Variants in COPB2 observed in about 807,000 individuals in gnomAD.
COPB2 encodes the protein coatomer subunit beta'.
Under a neutral mutation model 120.8 loss-of-function variants are expected in COPB2, and 16 were observed. That is an observed-to-expected ratio of 0.13 (90% CI 0.09 to 0.20). The LOEUF is 0.20. Among genes scored for constraint, COPB2 ranks in the 10% least tolerant of loss-of-function variants. The probability of loss-of-function intolerance (pLI) is 1.00; values close to 1 mark genes in which losing one functional copy is unlikely to be tolerated. For missense variants in COPB2, 794 were observed against 1,076.5 expected, an observed-to-expected ratio of 0.74 and a Z score of 3.67; for synonymous variants, 332 against 366.3, an observed-to-expected ratio of 0.91 and a Z score of 1.07.
At chr3:139,362,163 T>C (rs1240153862) in intron 16 of COPB2, among the ~76,000 whole-genome samples, 2 of 152,106 alleles carry the variant, frequency 1.3e-5, no homozygotes, top group African/African-American at 4.8e-5. Flanking sequence ...TCACATAAGA[T>C]ATGAAAACAA....
rs1375914907 is a variant in COPB2, at chr3:139,361,314, C to T, written c.1996-19G>A. 1.9e-6 allele frequency: 3 copies of T among 1,600,864 alleles called. No individual in the cohort carries two copies. The African/African-American group carries it at 4.0e-5, about 21-fold the overall frequency. Reference sequence around the variant, plus strand: ...GTTCTGACTGTAAGAAAAGAGTTTCCAAGTTAAAATATCTTTAGAAATAAG... The same window carrying T: ...GTTCTGACTGTAAGAAAAGAGTTTCTAAGTTAAAATATCTTTAGAAATAAG... On this transcript the variant is annotated intron_variant, in intron 16 of 21. Transcript: ENST00000333188.
rs1459984419 is a variant in COPB2, at chr3:139,379,376, T to C, written c.228+4A>G. 1.2e-6 allele frequency: 2 copies of C among 1,613,152 alleles called. No homozygotes were observed. The highest frequency in any genetic ancestry group is 1.7e-5 in the Admixed American group (1 of 59,946). On this transcript the variant is annotated splice_donor_region_variant and intron_variant, in intron 3 of 21. Coordinates refer to ENST00000333188, the MANE Select transcript of COPB2 (RefSeq NM_004766.3). ...GGGAATAGAGATTCATATTAATTAC[T>C]TACCGCTCCTGTCACAACCCAATTC...
At position 139,367,854 on chromosome 3, in the gene COPB2, C is replaced by T. The variant is rs534072062; in HGVS notation, c.1545+291G>A. ...TTACCATTTGGGAGCTTATTTAAATCACTGACTAAATAGTCTTAGGACCAA... is the reference window on the plus strand; with the variant it reads ...TTACCATTTGGGAGCTTATTTAAATTACTGACTAAATAGTCTTAGGACCAA... On this transcript the variant is annotated intron_variant, in intron 13 of 21. Coordinates refer to ENST00000333188, the MANE Select transcript of COPB2 (RefSeq NM_004766.3). Among the ~76,000 whole-genome samples, 5 of 152,294 alleles carry T rather than the reference C, an allele frequency of 3.3e-5. No homozygotes were observed. In the East Asian group the frequency reaches 9.6e-4, roughly 29 times the overall value.
intron 14 of COPB2, 118 bp from the exon 15 acceptor site, chr3:139,366,893 C>T (rs1396182346): frequency 2.0e-6 from 3 of 1,473,182 alleles, no homozygotes; most frequent in Non-Finnish European, 2.8e-6. Context: ...TTCTGGTTAA[C>T]AATAGGCAAC....
At chr3:139,385,812 T>C (rs1941909233) in intron 1 of COPB2, among the ~76,000 whole-genome samples, 1 of 152,220 alleles carries the variant, frequency 6.6e-6, no homozygotes, top group Non-Finnish European at 1.5e-5. Context: ...ACAATGATCC[T>C]TAGGGCAGTG....
At position 139,367,021 on chromosome 3, in the gene COPB2, A is replaced by G; in HGVS notation, c.1670T>C (p.Leu557Ser). 1 of 1,610,026 alleles carries G rather than the reference A, an allele frequency of 6.2e-7. No homozygotes were observed. The highest frequency in any genetic ancestry group is 1.1e-5 in the South Asian group (1 of 89,644). ...CAAAATGATACTCAGGTACCTGTCC[A>G]AGTGGGCAATGGTGACTATTTCTCC... ...VGGEIVTIAH[L>S]DRTMYLLGYI... The change falls in exon 14 of 22, where the codon TTG becomes TCG. Residue 557 changes from leucine (L) to serine (S), a missense_variant. By Grantham distance (145) the Leu-to-Ser change is moderately radical. Transcript: ENST00000333188.
chr3:139,380,464 A>C (rs1941790729), intron 2 of COPB2: 1 of 152,202 alleles, frequency 6.6e-6, no homozygotes, highest in African/African-American at 2.4e-5. Flanking sequence ...AGCTGCTCAG[A>C]ATGGAATTAT....
At chr3:139,366,931 A>T (rs1941528700) in intron 14 of COPB2, 84 bp downstream of exon 14, 2 of 1,519,430 alleles carry the variant, frequency 1.3e-6, no homozygotes, top group Non-Finnish European at 1.8e-6. Context: ...CTGAAAAATC[A>T]GCCTATCATT....
At chr3:139,380,274 G>T (rs1402841460) in intron 2 of COPB2, 1 of 152,046 alleles carries the variant, frequency 6.6e-6, no homozygotes, top group African/African-American at 2.4e-5. Flanking sequence ...AGCCTCCCAA[G>T]TGCTGGGATT....
At chr3:139,375,695 A>G in intron 5 of COPB2, 81 bp from the exon 6 acceptor site, 1 of 1,450,132 alleles carries the variant, frequency 6.9e-7, no homozygotes, top group Non-Finnish European at 9.3e-7. Flanking sequence ...CTGACACATT[A>G]TGTAAAATGC....
At chr3:139,377,374 A>T (rs1238048452) in intron 5 of COPB2, among the ~76,000 whole-genome samples, 1 of 152,242 alleles carries the variant, frequency 6.6e-6, no homozygotes, top group Non-Finnish European at 1.5e-5. Context: ...GCTAAACCTT[A>T]AAAGCTGAGT....
At chr3:139,382,188 G>T (rs1029823298) in intron 2 of COPB2, 3 of 152,226 alleles carry the variant, frequency 2.0e-5, no homozygotes, top group African/African-American at 7.2e-5. Flanking sequence ...GAGGACCCTG[G>T]TGGGAGGTGA....
chr3:139,373,900 CA>C (rs1351695218), intron 7 of COPB2, 92 bp from the exon 8 acceptor site: 17 of 1,468,690 alleles, frequency 1.2e-5, no homozygotes, highest in African/African-American at 1.4e-5. Flanking sequence ...TCTTTCTATT[CA>C]AACAGATAAC....
chr3:139,369,359 C>A lies in COPB2; in HGVS notation c.1303G>T (p.Gly435Cys), dbSNP rs779822252. ...KPDFGAESIY[G>C]GFLLGVRSVN... ...GATCTGACTCCCAATAAGAAGCCGCCGTAGATACCTAAAGGGAACATAAAA... is the reference window on the plus strand; with the variant it reads ...GATCTGACTCCCAATAAGAAGCCGCAGTAGATACCTAAAGGGAACATAAAA... The change falls in exon 12 of 22, where the codon GGC (glycine) becomes TGC (cysteine). Residue 435 changes from glycine (G) to cysteine (C), a missense_variant. By Grantham distance (159) the Gly-to-Cys change is radical. This residue lies in a region of COPB2 where 610 missense variants were observed against 866.7 expected (regional missense o/e 0.70). Transcript: ENST00000333188. The A allele has an allele frequency of 6.2e-7, 1 of 1,612,988 alleles. No individual in the cohort carries two copies. Among genetic ancestry groups the A allele is most frequent in the East Asian group, 2.2e-5 (1 of 44,822 alleles).
intron 14 of COPB2, 40 bp from the exon 15 acceptor site, chr3:139,366,815 G>C: frequency 6.3e-7 from 1 of 1,590,912 alleles, no homozygotes; most frequent in Non-Finnish European, 8.6e-7. Context: ...ATTCAAATCT[G>C]CAATTACACA....
At chr3:139,361,744 CG>C (rs1344970136) in intron 16 of COPB2, among the ~76,000 whole-genome samples, 1 of 152,158 alleles carries the variant, frequency 6.6e-6, no homozygotes, top group Non-Finnish European at 1.5e-5. Context: ...ATGATCTTAA[CG>C]TAGCTAAAAT....
chr3:139,378,265 A>C, intron 4 of COPB2, 76 bp from the exon 5 acceptor site: 2 of 1,352,456 alleles, frequency 1.5e-6, no homozygotes, highest in Non-Finnish European at 2.0e-6. Context: ...TCTTTAGAAG[A>C]AGCAAACCTA....
chr3:139,359,326 T>C lies in COPB2; in HGVS notation c.2247A>G (p.Gly749=). 6.2e-7 allele frequency: 1 copy of C among 1,614,120 alleles called. No homozygotes were observed. The highest frequency in any genetic ancestry group is 8.5e-7 in the Non-Finnish European group (1 of 1,179,996). ...DACLELLIRT[G]RLPEAAFLAR... is the part of the protein sequence containing the mutation. The stretch of plus-strand genomic sequence containing the variant: ...CCAAGAAGGCAGCTTCTGGCAGCCG[T>C]CCAGTTCTAATTAAGAGCTCTAGGC... Residue 749 remains glycine, a synonymous_variant, in exon 18 of 22, where the codon GGA becomes GGG. Coordinates refer to ENST00000333188, the MANE Select transcript of COPB2 (RefSeq NM_004766.3).
Position 139,373,425 on chromosome 3 carries a change from A to G in COPB2, c.895-13T>C. The G allele has an allele frequency of 6.2e-7, 1 of 1,613,778 alleles. No individual in the cohort carries two copies. The highest frequency in any genetic ancestry group is 1.1e-5 in the South Asian group (1 of 91,072). On this transcript the variant is annotated splice_polypyrimidine_tract_variant and intron_variant, in intron 8 of 21. Transcript: ENST00000333188. The stretch of plus-strand genomic sequence containing the variant: ...CCTCCCGACCAAGCTGAAAGAAAGA[A>G]AAATAGCTCTCAGCAATGAAAAGGA...
Sources: allele counts gnomAD v4.1 joint callset (sites outside exome capture counted in the v4.1 genomes callset), GRCh38; gene constraint gnomAD v4.1.1; regional missense constraint gnomAD v4.1.1; transcripts MANE v1.5; gene names NCBI Gene and HGNC (gene_info 2026-07-23, HGNC 2026-07-21).